The following KCNH1 variants were observed in gnomAD, a reference collection of about 807,000 sequenced individuals.
The protein encoded by KCNH1 is potassium voltage-gated channel subfamily H member 1.
In KCNH1, 27 loss-of-function variants were observed where a neutral mutation model predicts 69.2. The observed-to-expected ratio is 0.39, with a 90% CI of 0.29 to 0.54. The LOEUF (loss-of-function observed/expected upper bound fraction) is 0.54. KCNH1 is among the 20% of genes least tolerant of loss of function. The pLI, the probability that KCNH1 is intolerant of heterozygous loss-of-function variation, is 0.68. For synonymous variants in KCNH1, 456 were observed against 487.7 expected (o/e 0.93, Z 0.86); for missense variants, 798 against 1,261.6 (o/e 0.63, Z 5.57).
At chr1:210,853,885 C>T (rs1401332846) in intron 7 of KCNH1, among the ~76,000 whole-genome samples, 1 of 140,536 alleles carries the variant, frequency 7.1e-6, no homozygotes, top group African/African-American at 2.7e-5. Flanking sequence ...TTCTAGGAGA[C>T]TGATGACTCC....
intron 6 of KCNH1, among the ~76,000 whole-genome samples, chr1:210,991,555 G>A (rs1461088079): frequency 1.3e-5 from 2 of 151,418 alleles, no homozygotes; most frequent in Non-Finnish European, 2.9e-5. Context: ...GGTGACCATA[G>A]TTAATGTATT....
At chr1:211,122,233 C>T (rs1266189249) in intron 1 of KCNH1, among the ~76,000 whole-genome samples, 1 of 152,044 alleles carries the variant, frequency 6.6e-6, no homozygotes, top group Non-Finnish European at 1.5e-5. Flanking sequence ...AAAAACTCAA[C>T]ATCACCGATC....
chr1:211,050,260 T>TAAAAAA lies in KCNH1; in HGVS notation c.559-31010_559-31005dup, dbSNP rs747498526. ...AGGACAAACTCAGCCCACACATTCTTAAAAAAAAAAAAAAAAAAAAAAAAA... is the reference window on the plus strand; with the variant it reads ...AGGACAAACTCAGCCCACACATTCTTAAAAAAAAAAAAAAAAAAAAAAAAAAAAAAA... On this transcript the variant is annotated intron_variant, in intron 5 of 10. Coordinates refer to ENST00000271751, the MANE Select transcript of KCNH1 (RefSeq NM_172362.3). Among the ~76,000 whole-genome samples the TAAAAAA allele has an allele frequency of 6.3e-3, 370 of 58,546 alleles. 70 individuals carry two copies. Among genetic ancestry groups the TAAAAAA allele is most frequent in the African/African-American group, 0.024 (336 of 14,136 alleles). 38.4% of individuals were successfully genotyped at this position (58,546 alleles called of 152,430 possible). A position where few individuals can be genotyped will look rare whatever the true frequency, so the allele number is the denominator to read the frequency against.
chr1:211,124,689 T>C (rs780612013), intron 1 of KCNH1, among the ~76,000 whole-genome samples: 3 of 152,070 alleles, frequency 2.0e-5, no homozygotes, highest in Non-Finnish European at 2.9e-5. Context: ...TCAGCCAGGG[T>C]CTTGGCAGCA....
intron 8 of KCNH1, among the ~76,000 whole-genome samples, chr1:210,801,558 G>T (rs545806961): frequency 3.3e-5 from 5 of 152,312 alleles, no homozygotes; most frequent in African/African-American, 1.2e-4. Context: ...AGATCTACAG[G>T]GAGAGGAAGA....
chr1:210,888,367 A>C (rs1319483765), intron 7 of KCNH1, among the ~76,000 whole-genome samples: 1 of 152,222 alleles, frequency 6.6e-6, no homozygotes, highest in Non-Finnish European at 1.5e-5. Flanking sequence ...CAATGAGAAC[A>C]AAGACACAAG....
intron 7 of KCNH1, among the ~76,000 whole-genome samples, chr1:210,848,641 G>A (rs1408691216): frequency 6.6e-6 from 1 of 152,050 alleles, no homozygotes; most frequent in East Asian, 1.9e-4. Context: ...GCATAAATCT[G>A]CGAGATAGTT....
chr1:210,997,331 C>T (rs143562552), intron 6 of KCNH1, among the ~76,000 whole-genome samples: 22,920 of 152,144 alleles, frequency 0.15, 2,232 homozygotes, highest in Non-Finnish European at 0.22. Flanking sequence ...GCTGATGCAG[C>T]TGAAAGCCAA....
chr1:211,118,234 G>A (rs1448079610), intron 1 of KCNH1, among the ~76,000 whole-genome samples: 2 of 152,182 alleles, frequency 1.3e-5, no homozygotes, highest in Non-Finnish European at 2.9e-5. Context: ...TACCACACAC[G>A]TATGTGTATA....
intron 5 of KCNH1, among the ~76,000 whole-genome samples, chr1:211,045,721 G>T (rs915973957): frequency 2.6e-5 from 4 of 152,034 alleles, no homozygotes; most frequent in Non-Finnish European, 5.9e-5. Context: ...TACCCTCTTA[G>T]CAAATTTTTA....
chr1:210,883,192 T>C (rs1686533445), intron 7 of KCNH1, among the ~76,000 whole-genome samples: 1 of 152,142 alleles, frequency 6.6e-6, no homozygotes, highest in Admixed American at 6.5e-5. Flanking sequence ...TGAATGTAAA[T>C]GAAGTCATAG....
At chr1:210,982,324 G>T (rs563274496) in intron 6 of KCNH1, among the ~76,000 whole-genome samples, 1 of 151,974 alleles carries the variant, frequency 6.6e-6, no homozygotes, top group Non-Finnish European at 1.5e-5. Flanking sequence ...CAACGTGCAG[G>T]TTTGTTACAT....
chr1:210,775,444 G>T lies in KCNH1; in HGVS notation c.2016C>A (p.Ile672=). The T allele has an allele frequency of 1.2e-6, 2 of 1,614,142 alleles. No individual in the cohort carries two copies. The highest frequency in any genetic ancestry group is 1.7e-6 in the Non-Finnish European group (2 of 1,179,976). The change falls in exon 10 of 11, where the codon ATC becomes ATA. Residue 672 remains isoleucine (I), a synonymous_variant. Coordinates refer to ENST00000271751, the MANE Select transcript of KCNH1 (RefSeq NM_172362.3). ...GCACTTTCTGCAGGGCATCCCGCTT[G>T]ATCACATGCAGATCACAGTAGGTCA... is the stretch of plus-strand genomic sequence containing the variant. The part of the protein sequence containing the change: ...RALTYCDLHV[I]KRDALQKVLE...
At chr1:210,967,405 G>C (rs1454295906) in intron 6 of KCNH1, among the ~76,000 whole-genome samples, 1 of 152,018 alleles carries the variant, frequency 6.6e-6, no homozygotes, top group African/African-American at 2.4e-5. Context: ...TTTCCTAAAA[G>C]TTTGAAAGTT....
At chr1:211,119,705 G>A (rs1691652636) in intron 1 of KCNH1, among the ~76,000 whole-genome samples, 1 of 152,138 alleles carries the variant, frequency 6.6e-6, no homozygotes, top group Non-Finnish European at 1.5e-5. Context: ...CAACAATAAA[G>A]TCTCATGAAA....
chr1:210,684,409 T>A (rs1337560033), intron 10 of KCNH1, among the ~76,000 whole-genome samples: 1 of 152,168 alleles, frequency 6.6e-6, no homozygotes, highest in Non-Finnish European at 1.5e-5. Flanking sequence ...TTTTTTCCCC[T>A]CTCCACATGC....
chr1:210,875,732 G>A (rs887017978), intron 7 of KCNH1, among the ~76,000 whole-genome samples: 10 of 151,808 alleles, frequency 6.6e-5, no homozygotes, highest in African/African-American at 2.4e-4. Context: ...GAATCCAGGA[G>A]GTGGAGGTTG....
intron 10 of KCNH1, among the ~76,000 whole-genome samples, chr1:210,684,847 C>G (rs995992768): frequency 6.6e-6 from 1 of 152,216 alleles, no homozygotes; most frequent in Non-Finnish European, 1.5e-5. Flanking sequence ...TCACAAGGCA[C>G]TTTAATGCTA....
At chr1:210,745,021 G>A (rs1162956891) in intron 10 of KCNH1, among the ~76,000 whole-genome samples, 1 of 151,930 alleles carries the variant, frequency 6.6e-6, no homozygotes, top group Non-Finnish European at 1.5e-5. Flanking sequence ...TGGCCAACAT[G>A]GCGAAACCCC....
Sources: gnomAD v4.1 joint callset for allele counts (sites outside exome capture counted in the v4.1 genomes callset) on GRCh38, gnomAD v4.1.1 for gene constraint, MANE v1.5 for transcripts, NCBI Gene and HGNC (gene_info 2026-07-23, HGNC 2026-07-21) for gene names.